CNTN5: variants seen among roughly 807,000 people sequenced by gnomAD.
The protein encoded by CNTN5 is contactin-5.
Under a neutral mutation model 129.1 loss-of-function variants are expected in CNTN5, and 77 were observed. The observed-to-expected ratio is 0.60, with a 90% CI of 0.50 to 0.72. The LOEUF is 0.72. Ranked by LOEUF, CNTN5 falls within the 30% of genes least tolerant of loss-of-function variation. The pLI, the probability that CNTN5 is intolerant of heterozygous loss-of-function variation, is 0.00. For missense variants in CNTN5, 1,478 were observed against 1,328.8 expected, an observed-to-expected ratio of 1.11 and a Z score of -1.75; for synonymous variants, 509 against 465.6, an observed-to-expected ratio of 1.09 and a Z score of -1.20.
At chr11:99,843,005 C>T (rs535934637) in intron 4 of CNTN5, among the ~76,000 whole-genome samples, 11 of 152,080 alleles carry the variant, frequency 7.2e-5, no homozygotes, top group South Asian at 4.2e-4. Flanking sequence ...CCTAGGCGGG[C>T]GGATTACTTG....
At chr11:99,053,346 C>T (rs1254863214) in intron 1 of CNTN5, among the ~76,000 whole-genome samples, 7 of 152,064 alleles carry the variant, frequency 4.6e-5, no homozygotes, top group South Asian at 2.1e-4. Context: ...ACTAAACAGT[C>T]ATGCCAAATG....
At chr11:100,034,018 C>G (rs1397372651) in intron 9 of CNTN5, among the ~76,000 whole-genome samples, 1 of 152,182 alleles carries the variant, frequency 6.6e-6, no homozygotes, top group African/African-American at 2.4e-5. Flanking sequence ...CATTCTGTAT[C>G]TTACTTCCTG....
chr11:99,208,241 C>G (rs1205678268), intron 1 of CNTN5, among the ~76,000 whole-genome samples: 3 of 152,050 alleles, frequency 2.0e-5, no homozygotes, highest in Non-Finnish European at 4.4e-5. Flanking sequence ...GGGAGTAATC[C>G]AATGAGTTTA....
At chr11:99,027,954 G>A (rs1863175073) in intron 1 of CNTN5, among the ~76,000 whole-genome samples, 1 of 151,704 alleles carries the variant, frequency 6.6e-6, no homozygotes, top group Non-Finnish European at 1.5e-5. Context: ...TATATCCTAA[G>A]TATATAACCC....
rs375060619 is a variant in CNTN5 at position 100,060,233 on chromosome 11, A to G, written c.981-979A>G. ...AAAATATTAAAAAAAAAAAAAAAAG[A>G]AAAACCTCCGCTGCTTTCAATGTTT... is the stretch of plus-strand genomic sequence containing the variant. On this transcript the variant is annotated intron_variant, in intron 9 of 24. Transcript: ENST00000524871. 4.9e-4 allele frequency among the ~76,000 whole-genome samples: 73 copies of G among 150,040 alleles called. No homozygotes were observed. In the East Asian group the frequency reaches 0.013, roughly 26 times the overall value.
intron 21 of CNTN5, among the ~76,000 whole-genome samples, chr11:100,333,272 A>T (rs1336933105): frequency 6.6e-6 from 1 of 152,116 alleles, no homozygotes; most frequent in Non-Finnish European, 1.5e-5. Flanking sequence ...AAGAAATCAT[A>T]GACAACACAA....
intron 9 of CNTN5, among the ~76,000 whole-genome samples, chr11:100,047,871 G>T (rs888732597): frequency 6.6e-6 from 1 of 152,024 alleles, no homozygotes; most frequent in Non-Finnish European, 1.5e-5. Context: ...GGTGGTTCAC[G>T]CTGTAATCCC....
At chr11:99,217,500 C>G (rs1172584574) in intron 1 of CNTN5, among the ~76,000 whole-genome samples, 1 of 152,124 alleles carries the variant, frequency 6.6e-6, no homozygotes, top group Non-Finnish European at 1.5e-5. Context: ...ATTGGTATAG[C>G]CACTATACAG....
At chr11:100,276,007 C>A (rs2138799821) in intron 18 of CNTN5, among the ~76,000 whole-genome samples, 1 of 152,234 alleles carries the variant, frequency 6.6e-6, no homozygotes, top group Admixed American at 6.5e-5. Context: ...TAATGCTGCT[C>A]TAAAGAGCCA....
chr11:100,126,325 C>T (rs145805303), intron 13 of CNTN5, among the ~76,000 whole-genome samples: 4 of 152,114 alleles, frequency 2.6e-5, no homozygotes, highest in Non-Finnish European at 4.4e-5. Context: ...TCAAATGTTA[C>T]GTTTAAGTCC....
intron 3 of CNTN5, among the ~76,000 whole-genome samples, chr11:99,671,081 T>G (rs1211614832): frequency 1.3e-5 from 2 of 152,044 alleles, no homozygotes; most frequent in African/African-American, 2.4e-5. Flanking sequence ...TCTCTCGCTT[T>G]CTTGTGAGTT....
chr11:99,694,290 A>C (rs1163141849), intron 3 of CNTN5, among the ~76,000 whole-genome samples: 3 of 152,194 alleles, frequency 2.0e-5, no homozygotes, highest in South Asian at 4.1e-4. Flanking sequence ...TAGGCATTGG[A>C]ACTCAGCCAA....
chr11:100,121,630 A>G lies in CNTN5; in HGVS notation c.1580+47336A>G, dbSNP rs181929694. 7.0e-3 allele frequency among the ~76,000 whole-genome samples: 1,065 copies of G among 152,102 alleles called. 3 individuals carry two copies. Among genetic ancestry groups the G allele is most frequent in the South Asian group, 0.018 (85 of 4,826 alleles). Reference sequence around the variant, plus strand: ...AGGACTTTAATTTAAAATATTCATTATACCAGGGAGCCATATTTTGAAATA... The same window carrying G: ...AGGACTTTAATTTAAAATATTCATTGTACCAGGGAGCCATATTTTGAAATA... On this transcript the variant is annotated intron_variant, in intron 13 of 24. Coordinates refer to ENST00000524871, the MANE Select transcript of CNTN5 (RefSeq NM_014361.4).
chr11:99,779,400 T>A (rs1945236803), intron 3 of CNTN5, among the ~76,000 whole-genome samples: 2 of 152,034 alleles, frequency 1.3e-5, no homozygotes, highest in Admixed American at 6.6e-5. Flanking sequence ...ACACTAAGAC[T>A]TTCAAAGTCT....
chr11:99,976,060 T>C (rs1280542481), intron 8 of CNTN5, among the ~76,000 whole-genome samples: 1 of 152,198 alleles, frequency 6.6e-6, no homozygotes, highest in Non-Finnish European at 1.5e-5. Context: ...AGGGAGAAAC[T>C]GGTCATAACC....
chr11:99,529,979 T>C (rs1565265068), intron 2 of CNTN5, among the ~76,000 whole-genome samples: 1 of 152,204 alleles, frequency 6.6e-6, no homozygotes. Flanking sequence ...TTAAAAATAT[T>C]TTAAAGTGAT....
chr11:100,154,393 C>T (rs1454622881), intron 13 of CNTN5, among the ~76,000 whole-genome samples: 5 of 151,620 alleles, frequency 3.3e-5, no homozygotes, highest in African/African-American at 7.3e-5. Flanking sequence ...TTTGCTATTG[C>T]GAACAGTGCC....
intron 13 of CNTN5, among the ~76,000 whole-genome samples, chr11:100,182,722 C>T (rs191501730): frequency 1.0e-3 from 158 of 152,166 alleles, no homozygotes; most frequent in Non-Finnish European, 1.9e-3. Context: ...ACAGAAATCT[C>T]TGTGACCTTA....
chr11:100,042,573 C>T (rs902208919), intron 9 of CNTN5, among the ~76,000 whole-genome samples: 2 of 152,096 alleles, frequency 1.3e-5, no homozygotes, highest in Non-Finnish European at 2.9e-5. Flanking sequence ...GCTAAGTATT[C>T]CTTCTGCCTT....
Sources: allele counts gnomAD v4.1 joint callset (sites outside exome capture counted in the v4.1 genomes callset), GRCh38; gene constraint gnomAD v4.1.1; transcripts MANE v1.5; gene names NCBI Gene and HGNC (gene_info 2026-07-23, HGNC 2026-07-21).